Variants in PDE1A observed in about 807,000 individuals in gnomAD.
PDE1A encodes the protein phosphodiesterase 1A.
In PDE1A, 35 loss-of-function variants were observed where a neutral mutation model predicts 61.7. The observed-to-expected ratio is 0.57, with a 90% CI of 0.43 to 0.75. The LOEUF (loss-of-function observed/expected upper bound fraction) is 0.75. Ranked by LOEUF, PDE1A falls within the 30% of genes least tolerant of loss-of-function variation. The probability of loss-of-function intolerance (pLI) is 0.00; values close to 1 mark genes in which losing one functional copy is unlikely to be tolerated. For missense variants in PDE1A, 597 were observed against 630.6 expected, an observed-to-expected ratio of 0.95 and a Z score of 0.57; for synonymous variants, 232 against 213.2, an observed-to-expected ratio of 1.09 and a Z score of -0.77.
At chr2:182,202,596 C>T (rs1686756799) in intron 8 of PDE1A, among the ~76,000 whole-genome samples, 1 of 152,130 alleles carries the variant, frequency 6.6e-6, no homozygotes. Flanking sequence ...CCAAAGCAGA[C>T]ACATGGACCA....
At chr2:182,505,014 T>C (rs527686817) in intron 2 of PDE1A, among the ~76,000 whole-genome samples, 1 of 152,346 alleles carries the variant, frequency 6.6e-6, no homozygotes, top group South Asian at 2.1e-4. Flanking sequence ...GTATTTAGCC[T>C]GATTGCCTCC....
chr2:182,193,241 C>G (rs1203469382), intron 10 of PDE1A, among the ~76,000 whole-genome samples: 1 of 152,138 alleles, frequency 6.6e-6, no homozygotes, highest in Non-Finnish European at 1.5e-5. Context: ...CTGCTCCAGC[C>G]TCCCAAAGTG....
At chr2:182,571,228 T>C in the PDE1A span, among the ~76,000 whole-genome samples, 1 of 152,186 alleles carries the variant, frequency 6.6e-6, no homozygotes, top group Non-Finnish European at 1.5e-5. Flanking sequence ...AATTCAAACC[T>C]TTAAGATCAT....
In PDE1A at chr2:182,257,750, G is replaced by A. The variant is rs529196283; in HGVS notation, c.167+6551C>T. ...AACTTGAGGTCCTGAACTCAGGACA[G>A]CAAGACATGTCAAAAGGACTTCTGT... On this transcript the variant is annotated intron_variant, in intron 2 of 13. Transcript: ENST00000351439. 2.6e-3 allele frequency among the ~76,000 whole-genome samples: 390 copies of A among 152,342 alleles called. 1 individual carries two copies. Among genetic ancestry groups the A allele is most frequent in the African/African-American group, 9.1e-3 (378 of 41,582 alleles).
intron 2 of PDE1A, among the ~76,000 whole-genome samples, chr2:182,465,990 T>C (rs1167013562): frequency 6.6e-6 from 1 of 152,036 alleles, no homozygotes; most frequent in Non-Finnish European, 1.5e-5. Context: ...CAAACAATGA[T>C]ACAATTTAGG....
chr2:182,231,994 G>T, intron 4 of PDE1A, among the ~76,000 whole-genome samples: 1 of 152,148 alleles, frequency 6.6e-6, no homozygotes, highest in Non-Finnish European at 1.5e-5. Flanking sequence ...ATTATTAAAA[G>T]GTATTTTTTA....
At chr2:182,192,761 A>G (rs143157568) in intron 10 of PDE1A, among the ~76,000 whole-genome samples, 10 of 152,216 alleles carry the variant, frequency 6.6e-5, no homozygotes, top group African/African-American at 2.2e-4. Flanking sequence ...CAGGCCCCAC[A>G]GCTTATACCT....
At chr2:182,291,538 C>T (rs1283066948) in intron 1 of PDE1A, among the ~76,000 whole-genome samples, 1 of 152,132 alleles carries the variant, frequency 6.6e-6, no homozygotes, top group African/African-American at 2.4e-5. Context: ...CTGGTTGTAA[C>T]TATTTATCTC....
chr2:182,236,081 A>G (rs762679117), intron 3 of PDE1A, among the ~76,000 whole-genome samples: 8 of 152,216 alleles, frequency 5.3e-5, no homozygotes, highest in Non-Finnish European at 8.8e-5. Context: ...ATTTTATTCT[A>G]GAGACCTTAA....
At chr2:182,528,241 A>G in the PDE1A span, among the ~76,000 whole-genome samples, 3 of 152,324 alleles carry the variant, frequency 2.0e-5, no homozygotes, top group Non-Finnish European at 2.9e-5. Context: ...AATGAAATCC[A>G]GGCTGAGGTG....
chr2:182,521,445 C>T (rs1397692276), intron 2 of PDE1A, among the ~76,000 whole-genome samples: 1 of 152,038 alleles, frequency 6.6e-6, no homozygotes, highest in Non-Finnish European at 1.5e-5. Flanking sequence ...TCATATTTCT[C>T]ATTTTTATCC....
the PDE1A span, among the ~76,000 whole-genome samples, chr2:182,572,747 G>A: frequency 6.6e-6 from 1 of 151,856 alleles, no homozygotes; most frequent in East Asian, 1.9e-4. Flanking sequence ...GTGGGCGCCT[G>A]TAGTCCCAGC....
chr2:182,179,369 G>A (rs1363881558), intron 13 of PDE1A, among the ~76,000 whole-genome samples: 1 of 151,996 alleles, frequency 6.6e-6, no homozygotes, highest in East Asian at 1.9e-4. Context: ...CTTGTTGAGT[G>A]GAAAGCAATT....
chr2:182,220,439 G>A (rs1688621988), intron 7 of PDE1A, among the ~76,000 whole-genome samples: 1 of 151,988 alleles, frequency 6.6e-6, no homozygotes, highest in South Asian at 2.1e-4. Flanking sequence ...TCAGAAACAA[G>A]CTAAAATGTG....
the PDE1A span, among the ~76,000 whole-genome samples, chr2:182,647,739 A>G: frequency 6.6e-6 from 1 of 152,218 alleles, no homozygotes; most frequent in Non-Finnish European, 1.5e-5. Context: ...TGGTGGCTAC[A>G]ATTTCAGAAT....
intron 1 of PDE1A, among the ~76,000 whole-genome samples, chr2:182,279,300 A>G (rs1693647158): frequency 1.3e-5 from 2 of 151,806 alleles, no homozygotes; most frequent in Non-Finnish European, 2.9e-5. Context: ...ATGTACAGAA[A>G]CTCCCAAAGC....
chr2:182,242,923 T>G (rs1235883439), intron 2 of PDE1A, among the ~76,000 whole-genome samples: 1 of 39,134 alleles, frequency 2.6e-5, no homozygotes, highest in Non-Finnish European at 5.2e-5. Context: ...TCTCTCTCTC[T>G]CTCGTGTGTG....
the PDE1A span, among the ~76,000 whole-genome samples, chr2:182,583,605 A>G: frequency 1.3e-5 from 2 of 150,018 alleles, no homozygotes; most frequent in Non-Finnish European, 3.0e-5. Context: ...GCTCTTAAAA[A>G]CTCTCCAGCC....
chr2:182,370,181 A>C (rs1282816703), intron 1 of PDE1A, among the ~76,000 whole-genome samples: 1 of 116,698 alleles, frequency 8.6e-6, no homozygotes. Context: ...TGTCTCAAAA[A>C]AGAAAAAAAA....
Sources: gnomAD v4.1 joint callset for allele counts (sites outside exome capture counted in the v4.1 genomes callset) on GRCh38, gnomAD v4.1.1 for gene constraint, MANE v1.5 for transcripts, NCBI Gene and HGNC (gene_info 2026-07-23, HGNC 2026-07-21) for gene names.